Variants in PHKB observed in about 807,000 individuals in gnomAD.
PHKB encodes the protein phosphorylase kinase regulatory subunit beta, also known as phosphorylase b kinase regulatory subunit beta.
PHKB carries 122 observed loss-of-function variants against 152.1 expected under a neutral mutation model. That is an observed-to-expected ratio of 0.80 (90% CI 0.69 to 0.93). The LOEUF is 0.93. Among genes scored for constraint, PHKB ranks in the 40% least tolerant of loss-of-function variants. The probability of loss-of-function intolerance (pLI) is 0.00; values close to 1 mark genes in which losing one functional copy is unlikely to be tolerated. For synonymous variants in PHKB, 436 were observed against 464.9 expected (o/e 0.94, Z 0.80); for missense variants, 1,304 against 1,328.4 (o/e 0.98, Z 0.29).
chr16:47,477,548 T>C (rs2151631815), intron 1 of PHKB, among the ~76,000 whole-genome samples: 1 of 152,296 alleles, frequency 6.6e-6, no homozygotes, highest in Non-Finnish European at 1.5e-5. Context: ...AAAAAAAGTC[T>C]TCTACTGGTC....
intron 16 of PHKB, among the ~76,000 whole-genome samples, 155 bp from the exon 17 acceptor site, chr16:47,648,378 A>G (rs934048266): frequency 6.6e-6 from 1 of 152,186 alleles, no homozygotes; most frequent in Non-Finnish European, 1.5e-5. Flanking sequence ...CTAAGTTGAC[A>G]TCTTTGGTTA....
At chr16:47,478,466 ATTTT>A (rs199656987) in intron 1 of PHKB, among the ~76,000 whole-genome samples, 5 of 127,872 alleles carry the variant, frequency 3.9e-5, no homozygotes, top group East Asian at 4.4e-4. Flanking sequence ...TTGCTGTGAA[ATTTT>A]TTTTTTTTTT....
At chr16:47,539,721 A>C (rs1291766461) in intron 6 of PHKB, among the ~76,000 whole-genome samples, 1 of 152,194 alleles carries the variant, frequency 6.6e-6, no homozygotes, top group East Asian at 1.9e-4. Flanking sequence ...AGGAACATAA[A>C]TTGTGAAGAT....
intron 13 of PHKB, among the ~76,000 whole-genome samples, chr16:47,604,300 A>G (rs1259451860): frequency 6.6e-6 from 1 of 152,184 alleles, no homozygotes; most frequent in Non-Finnish European, 1.5e-5. Context: ...CTATATTTTC[A>G]TGAGCAGAAG....
chr16:47,675,294 G>A (rs989791962), intron 26 of PHKB, among the ~76,000 whole-genome samples: 9 of 152,234 alleles, frequency 5.9e-5, no homozygotes, highest in African/African-American at 1.2e-4. Flanking sequence ...TGGTGTCCTC[G>A]TTGGATGTGG....
At chr16:47,687,112 T>C (rs1446977022) in intron 26 of PHKB, among the ~76,000 whole-genome samples, 5 of 152,192 alleles carry the variant, frequency 3.3e-5, no homozygotes, top group African/African-American at 4.8e-5. Context: ...GGTCTTCCGA[T>C]GTTTAATTCA....
At position 47,587,650 on chromosome 16, in the gene PHKB, T is replaced by C. The variant is rs528339875; in HGVS notation, c.775-18T>C. The C allele has an allele frequency of 1.3e-4, 204 of 1,594,364 alleles. 3 individuals carry two copies. In the South Asian group the frequency reaches 2.0e-3, roughly 16 times the overall value. On this transcript the variant is annotated intron_variant, in intron 8 of 30. Coordinates refer to ENST00000323584, the MANE Select transcript of PHKB (RefSeq NM_000293.3). ...TTTTTTCTTAATTTAGGAAATGTTT[T>C]TCTTTTTCTCTGTCCAGGGCTGTTC... is the stretch of plus-strand genomic sequence containing the variant.
intron 10 of PHKB, among the ~76,000 whole-genome samples, chr16:47,591,532 T>C (rs1306504021): frequency 6.6e-6 from 1 of 152,182 alleles, no homozygotes; most frequent in African/African-American, 2.4e-5. Context: ...TCTCCACTTC[T>C]CTCACTTACT....
chr16:47,697,654 A>G (rs1020828955), intron 29 of PHKB, among the ~76,000 whole-genome samples: 24 of 152,220 alleles, frequency 1.6e-4, no homozygotes, highest in African/African-American at 5.8e-4. Context: ...AATACAGTCA[A>G]TAAGAATCCA....
intron 7 of PHKB, chr16:47,562,259 C>T (rs1971488174): frequency 6.6e-6 from 1 of 152,248 alleles, no homozygotes; most frequent in African/African-American, 2.4e-5. Context: ...TCTTCAGAGC[C>T]CAAAATGTGG....
At position 47,610,854 on chromosome 16, in the gene PHKB, T is replaced by C; in HGVS notation, c.1392T>C (p.Ile464=). 1.2e-6 allele frequency: 2 copies of C among 1,608,644 alleles called. No homozygotes were observed. Among genetic ancestry groups the C allele is most frequent in the Non-Finnish European group, 1.7e-6 (2 of 1,175,010 alleles). ...ATGAACTTATTAGTCCTAAAGACAT[T>C]GATCCTGTCCAGCGCTATGTCCCAC... ...LADELISPKD[I]DPVQRYVPLK... Residue 464 remains isoleucine (I), a synonymous_variant, in exon 14 of 31, where the codon ATT becomes ATC. Coordinates refer to ENST00000323584, the MANE Select transcript of PHKB (RefSeq NM_000293.3).
intron 8 of PHKB, among the ~76,000 whole-genome samples, chr16:47,586,687 A>T (rs1363420217): frequency 6.6e-6 from 1 of 152,212 alleles, no homozygotes; most frequent in Middle Eastern, 3.2e-3. Flanking sequence ...GATGAGATTC[A>T]GAAAATAGTA....
chr16:47,531,575 A>G (rs1970862310), intron 6 of PHKB, among the ~76,000 whole-genome samples: 1 of 152,238 alleles, frequency 6.6e-6, no homozygotes, highest in Non-Finnish European at 1.5e-5. Flanking sequence ...CTTTTCCAAA[A>G]TAAAAATAAT....
At chr16:47,553,526 G>A (rs886865752) in intron 7 of PHKB, among the ~76,000 whole-genome samples, 5 of 152,084 alleles carry the variant, frequency 3.3e-5, no homozygotes, top group Non-Finnish European at 4.4e-5. Context: ...ACCTTCTGAA[G>A]CCTACTTCTG....
chr16:47,480,953 C>CT (rs1969953867), intron 1 of PHKB, among the ~76,000 whole-genome samples: 1 of 152,078 alleles, frequency 6.6e-6, no homozygotes, highest in Non-Finnish European at 1.5e-5. Flanking sequence ...CCTATTATAG[C>CT]TTTCCAGTTC....
At chr16:47,481,354 G>T (rs745707279) in intron 1 of PHKB, among the ~76,000 whole-genome samples, 70 of 152,230 alleles carry the variant, frequency 4.6e-4, no homozygotes, top group Admixed American at 9.2e-4. Flanking sequence ...CTTCCCTCTG[G>T]CATGGTTAGA....
intron 6 of PHKB, among the ~76,000 whole-genome samples, chr16:47,533,207 C>A (rs941373609): frequency 1.8e-4 from 28 of 152,176 alleles, no homozygotes; most frequent in Admixed American, 1.3e-4. Context: ...AGCTAGTCAT[C>A]CCGATGCCTG....
intron 13 of PHKB, among the ~76,000 whole-genome samples, chr16:47,607,345 C>G (rs911161503): frequency 6.6e-6 from 1 of 152,132 alleles, no homozygotes; most frequent in African/African-American, 2.4e-5. Context: ...TCACTTCACC[C>G]TCTTCCCCCA....
intron 26 of PHKB, among the ~76,000 whole-genome samples, chr16:47,672,835 G>A (rs1973660100): frequency 6.6e-6 from 1 of 152,036 alleles, no homozygotes; most frequent in South Asian, 2.1e-4. Context: ...TATGTTTGGT[G>A]CTTTCCATGA....
Sources: gnomAD v4.1 joint callset for allele counts (sites outside exome capture counted in the v4.1 genomes callset) on GRCh38, gnomAD v4.1.1 for gene constraint, MANE v1.5 for transcripts, NCBI Gene and HGNC (gene_info 2026-07-23, HGNC 2026-07-21) for gene names.